The following LMBR1 variants were observed in gnomAD, a reference collection of about 807,000 sequenced individuals.
The protein encoded by LMBR1 is limb region 1 protein homolog.
In LMBR1, 52 loss-of-function variants were observed where a neutral mutation model predicts 73.9. The observed-to-expected ratio is 0.70, with a 90% CI of 0.56 to 0.89. The LOEUF (loss-of-function observed/expected upper bound fraction) is 0.89. Among genes scored for constraint, LMBR1 ranks in the 40% least tolerant of loss-of-function variants. LMBR1 has a pLI of 0.00. For synonymous variants in LMBR1, 215 were observed against 209.4 expected (o/e 1.03, Z -0.23); for missense variants, 539 against 579.8 (o/e 0.93, Z 0.72).
chr7:156,873,599 C>A (rs1388335689), intron 1 of LMBR1, among the ~76,000 whole-genome samples: 2 of 152,132 alleles, frequency 1.3e-5, no homozygotes, highest in Non-Finnish European at 2.9e-5. Flanking sequence ...AATCCCTGAG[C>A]TAGATACAAA....
downstream of LMBR1, chr7:156,676,629 T>C: frequency 6.2e-7 from 1 of 1,613,964 alleles, no homozygotes; most frequent in Admixed American, 1.7e-5. Context: ...CCGCTCCTGC[T>C]ACCAGAAGAA....
At chr7:156,746,920 T>A (rs1819957643) in intron 9 of LMBR1, among the ~76,000 whole-genome samples, 7 of 152,174 alleles carry the variant, frequency 4.6e-5, no homozygotes, top group Admixed American at 4.6e-4. Context: ...ATGTCCAGTG[T>A]CAGCATTGTC....
chr7:156,890,187 T>A (rs954761048), intron 1 of LMBR1, among the ~76,000 whole-genome samples: 1 of 151,978 alleles, frequency 6.6e-6, no homozygotes, highest in African/African-American at 2.4e-5. Flanking sequence ...CACAAAAAAA[T>A]AAATTCGAAA....
At chr7:156,743,768 A>G (rs1265147735) in intron 9 of LMBR1, among the ~76,000 whole-genome samples, 1 of 152,146 alleles carries the variant, frequency 6.6e-6, no homozygotes, top group Non-Finnish European at 1.5e-5. Context: ...TATACTTTTC[A>G]TTATAATATC....
chr7:156,818,548 T>A (rs1000105025), intron 4 of LMBR1, among the ~76,000 whole-genome samples: 3 of 152,210 alleles, frequency 2.0e-5, no homozygotes, highest in Non-Finnish European at 4.4e-5. Context: ...CAAATTTTTA[T>A]TGTTATTTAG....
At chr7:156,845,286 T>C (rs1839407846) in intron 1 of LMBR1, among the ~76,000 whole-genome samples, 1 of 151,924 alleles carries the variant, frequency 6.6e-6, no homozygotes, top group Non-Finnish European at 1.5e-5. Context: ...AGCAGAGAGG[T>C]CACAGATAAT....
intron 1 of LMBR1, among the ~76,000 whole-genome samples, chr7:156,841,896 T>A (rs779348740): frequency 1.4e-4 from 22 of 151,954 alleles, no homozygotes; most frequent in Non-Finnish European, 7.4e-5. Flanking sequence ...GCATTACAAA[T>A]GATTATATGA....
At chr7:156,852,526 G>A (rs1035364187) in intron 1 of LMBR1, among the ~76,000 whole-genome samples, 1 of 152,122 alleles carries the variant, frequency 6.6e-6, no homozygotes, top group South Asian at 2.1e-4. Context: ...TAATTTTCAA[G>A]TAATCCTTTA....
chr7:156,714,553 T>C (rs1160625902), intron 15 of LMBR1, among the ~76,000 whole-genome samples: 1 of 152,256 alleles, frequency 6.6e-6, no homozygotes, highest in South Asian at 2.1e-4. Flanking sequence ...ATAGATCGTA[T>C]GTGTTACCTT....
intron 1 of LMBR1, among the ~76,000 whole-genome samples, chr7:156,866,414 T>C (rs1015029412): frequency 6.6e-6 from 1 of 151,636 alleles, no homozygotes; most frequent in South Asian, 2.1e-4. Context: ...CAGTTGTAGA[T>C]GCTGGTGCTA....
At chr7:156,770,587 G>A (rs1440569801) in intron 5 of LMBR1, among the ~76,000 whole-genome samples, 1 of 151,776 alleles carries the variant, frequency 6.6e-6, no homozygotes, top group Non-Finnish European at 1.5e-5. Flanking sequence ...TTTGTAAAAG[G>A]AACAACAAAA....
chr7:156,840,829 G>A (rs1351533122), intron 1 of LMBR1, among the ~76,000 whole-genome samples: 3 of 151,002 alleles, frequency 2.0e-5, no homozygotes, highest in South Asian at 2.1e-4. Flanking sequence ...GCCGGGCGTC[G>A]TGGCGGGCGT....
intron 15 of LMBR1, among the ~76,000 whole-genome samples, chr7:156,720,724 T>C (rs1814377155): frequency 6.6e-6 from 1 of 151,540 alleles, no homozygotes; most frequent in Non-Finnish European, 1.5e-5. Context: ...CTATAATATA[T>C]CTGAATATAA....
chr7:156,776,913 T>G (rs763125299), intron 5 of LMBR1, among the ~76,000 whole-genome samples: 4 of 151,900 alleles, frequency 2.6e-5, no homozygotes, highest in Non-Finnish European at 5.9e-5. Context: ...TGGCTGACTT[T>G]AGCAATTTTC....
intron 15 of LMBR1, among the ~76,000 whole-genome samples, chr7:156,697,201 G>GT (rs1283727923): frequency 6.6e-6 from 1 of 152,086 alleles, no homozygotes; most frequent in African/African-American, 2.4e-5. Context: ...AGAACAGGGA[G>GT]TAGGTACAAA....
At chr7:156,796,904 C>T (rs1830139057) in intron 4 of LMBR1, among the ~76,000 whole-genome samples, 1 of 152,092 alleles carries the variant, frequency 6.6e-6, no homozygotes, top group African/African-American at 2.4e-5. Flanking sequence ...CATAAAAACC[C>T]TAAAAATAAT....
chr7:156,687,529 C>T (rs1398272739), intron 16 of LMBR1, among the ~76,000 whole-genome samples: 2 of 152,188 alleles, frequency 1.3e-5, no homozygotes, highest in African/African-American at 4.8e-5. Context: ...AGTAAATCCC[C>T]TCTCTTCTAT....
rs547501741 is a variant in LMBR1 at position 156,827,134 on chromosome 7, G to A, written c.180-390C>T. Among the ~76,000 whole-genome samples the A allele has an allele frequency of 2.6e-5, 4 of 151,970 alleles. No homozygotes were observed. The South Asian group carries it at 8.3e-4, about 32-fold the overall frequency. Reference sequence around the variant, plus strand: ...TGCTAACAGCAATGCAACAACTGAGGTGAAAAAATTACTATGAAAGCAGTA... The same window carrying A: ...TGCTAACAGCAATGCAACAACTGAGATGAAAAAATTACTATGAAAGCAGTA... On this transcript the variant is annotated intron_variant, in intron 3 of 16. Coordinates refer to ENST00000353442, the MANE Select transcript of LMBR1 (RefSeq NM_022458.4).
intron 1 of LMBR1, among the ~76,000 whole-genome samples, chr7:156,890,438 G>A (rs1802698484): frequency 6.6e-6 from 1 of 152,160 alleles, no homozygotes; most frequent in African/African-American, 2.4e-5. Context: ...TTCTGACAAA[G>A]AAATCATATC....
Sources: gnomAD v4.1 joint callset for allele counts (sites outside exome capture counted in the v4.1 genomes callset) on GRCh38, gnomAD v4.1.1 for gene constraint, MANE v1.5 for transcripts, NCBI Gene and HGNC (gene_info 2026-07-23, HGNC 2026-07-21) for gene names.